LMTK2: variants seen among roughly 807,000 people sequenced by gnomAD.
LMTK2 encodes lemur tail kinase 2.
A neutral mutation model predicts 127.5 loss-of-function variants in LMTK2; 37 were observed. The observed-to-expected ratio is 0.29, with a 90% confidence interval of 0.22 to 0.38. The LOEUF is 0.38. Ranked by LOEUF, LMTK2 falls within the 10% of genes least tolerant of loss-of-function variation. The pLI is 1.00. For synonymous variants in LMTK2, 819 were observed against 810.1 expected, an observed-to-expected ratio of 1.01 and a Z score of -0.19; for missense variants, 1,694 against 1,920.3, an observed-to-expected ratio of 0.88 and a Z score of 2.20.
intron 11 of LMTK2, among the ~76,000 whole-genome samples, chr7:98,196,460 T>C (rs1797623433): frequency 6.6e-6 from 1 of 152,134 alleles, no homozygotes; most frequent in African/African-American, 2.4e-5. Flanking sequence ...TCTGTGAACT[T>C]GGATTATCGC....
chr7:98,171,375 A>G lies in LMTK2; in HGVS notation c.658-166A>G, dbSNP rs368833421. 2.0e-4 allele frequency among the ~76,000 whole-genome samples: 31 copies of G among 152,354 alleles called. 1 individual carries two copies. The South Asian group carries it at 6.4e-3, about 32-fold the overall frequency. On this transcript the variant is annotated intron_variant, in intron 6 of 13. Coordinates refer to ENST00000297293, the MANE Select transcript of LMTK2 (RefSeq NM_014916.4). The surrounding 1 kb of genome is among the most constrained non-coding windows in gnomAD (Gnocchi z 5.1). ...TAGTTAGAATGTTCCTAAAAGCATAATAGTGTTCTATACTTTCGCAGTATT... is the reference window on the plus strand; with the variant it reads ...TAGTTAGAATGTTCCTAAAAGCATAGTAGTGTTCTATACTTTCGCAGTATT...
At chr7:98,167,906 G>A (rs547009408) in intron 6 of LMTK2, among the ~76,000 whole-genome samples, 1 of 152,304 alleles carries the variant, frequency 6.6e-6, no homozygotes, top group South Asian at 2.1e-4. Context: ...GCAGGAGGTT[G>A]CGGTGCCCGA....
chr7:98,114,802 CCT>C (rs1343752216), intron 1 of LMTK2, among the ~76,000 whole-genome samples: 2 of 152,148 alleles, frequency 1.3e-5, no homozygotes, highest in East Asian at 1.9e-4. Flanking sequence ...ATATATTCTC[CCT>C]GTTTGCAATT....
chr7:98,109,042 A>G (rs972987819), intron 1 of LMTK2, among the ~76,000 whole-genome samples: 1 of 151,818 alleles, frequency 6.6e-6, no homozygotes. Context: ...TTGTATTTTT[A>G]GTAGAGACGG....
At chr7:98,122,759 A>C (rs533472590) in intron 1 of LMTK2, among the ~76,000 whole-genome samples, 112 of 147,120 alleles carry the variant, frequency 7.6e-4, no homozygotes, top group African/African-American at 2.5e-3. Flanking sequence ...TCTGTCCCCT[A>C]GGCTGGGGTG....
chr7:98,126,942 A>G (rs1423965887), intron 1 of LMTK2, among the ~76,000 whole-genome samples: 1 of 152,174 alleles, frequency 6.6e-6, no homozygotes, highest in Non-Finnish European at 1.5e-5. Context: ...TCTCTGATTC[A>G]TGAACGAGAT....
At chr7:98,143,893 T>C (rs916846287) in intron 3 of LMTK2, among the ~76,000 whole-genome samples, 1 of 152,206 alleles carries the variant, frequency 6.6e-6, no homozygotes, top group Admixed American at 6.5e-5. Flanking sequence ...TCTGTCAATA[T>C]GCAATTTGCT....
In LMTK2 at chr7:98,193,603, C is replaced by G; in HGVS notation, c.3138C>G (p.Pro1046=). The change falls in exon 11 of 14, where the codon CCC becomes CCG. Residue 1046 remains proline, a synonymous_variant. Coordinates refer to ENST00000297293, the MANE Select transcript of LMTK2 (RefSeq NM_014916.4). This position sits in a 1 kb window ranked among gnomAD's most constrained non-coding sequence, Gnocchi z 4.1. ...NLESPEWTLH[P]APEGTADSEP... ...AGTCTCCCGAGTGGACCTTGCATCCCGCTCCCGAGGGCACCGCAGACTCAG... is the reference window on the plus strand; with the variant it reads ...AGTCTCCCGAGTGGACCTTGCATCCGGCTCCCGAGGGCACCGCAGACTCAG... 6.2e-7 allele frequency: 1 copy of G among 1,614,058 alleles called. No individual in the cohort carries two copies. Among genetic ancestry groups the G allele is most frequent in the African/African-American group, 1.3e-5 (1 of 75,038 alleles).
chr7:98,108,021 T>A (rs1796141866), intron 1 of LMTK2, among the ~76,000 whole-genome samples: 1 of 152,148 alleles, frequency 6.6e-6, no homozygotes, highest in South Asian at 2.1e-4. Context: ...CATCCCAAGT[T>A]GGGTCATTTT....
intron 1 of LMTK2, among the ~76,000 whole-genome samples, chr7:98,114,586 A>G (rs1407750472): frequency 6.6e-6 from 1 of 152,112 alleles, no homozygotes; most frequent in Non-Finnish European, 1.5e-5. Flanking sequence ...ATCAGGTCAA[A>G]TTAGGTGTGC....
At chr7:98,180,147 T>G (rs987693530) in intron 7 of LMTK2, among the ~76,000 whole-genome samples, 1 of 152,274 alleles carries the variant, frequency 6.6e-6, no homozygotes, top group Non-Finnish European at 1.5e-5. Flanking sequence ...ATTGAATCAA[T>G]GTTATGTATC....
chr7:98,155,205 G>A (rs1796910904), intron 5 of LMTK2, among the ~76,000 whole-genome samples: 1 of 152,174 alleles, frequency 6.6e-6, no homozygotes, highest in African/African-American at 2.4e-5. Flanking sequence ...AGTCTCAGCA[G>A]AGAAATAGAA....
At chr7:98,168,951 A>T (rs1797145647) in intron 6 of LMTK2, among the ~76,000 whole-genome samples, 1 of 152,226 alleles carries the variant, frequency 6.6e-6, no homozygotes, top group African/African-American at 2.4e-5. Flanking sequence ...GACCAAAATA[A>T]TCATGTCTAT....
chr7:98,202,511 A>G (rs1230730715), intron 11 of LMTK2, among the ~76,000 whole-genome samples: 1 of 152,166 alleles, frequency 6.6e-6, no homozygotes, highest in Non-Finnish European at 1.5e-5. Context: ...CTATCATGTT[A>G]GGCAGTCTGT....
chr7:98,189,696 G>C (rs1797493318), intron 9 of LMTK2, among the ~76,000 whole-genome samples: 1 of 152,198 alleles, frequency 6.6e-6, no homozygotes, highest in Admixed American at 6.5e-5. Flanking sequence ...ATGAGAGGCA[G>C]CTCCTCTGAC....
At chr7:98,144,125 C>T (rs1445618063) in intron 3 of LMTK2, among the ~76,000 whole-genome samples, 1 of 151,910 alleles carries the variant, frequency 6.6e-6, no homozygotes, top group African/African-American at 2.4e-5. Flanking sequence ...AAAACCATAA[C>T]ATTACAAAAA....
intron 11 of LMTK2, among the ~76,000 whole-genome samples, chr7:98,198,481 G>A (rs1000169130): frequency 6.6e-6 from 1 of 152,136 alleles, no homozygotes; most frequent in South Asian, 2.1e-4. Context: ...GAGCTACCGC[G>A]CCTGGCCTCT....
At chr7:98,172,302 CTT>C (rs397948033) in intron 7 of LMTK2, among the ~76,000 whole-genome samples, 20 of 127,814 alleles carry the variant, frequency 1.6e-4, no homozygotes, top group South Asian at 5.1e-4. Context: ...GACCATAGTT[CTT>C]TTTTTTTTTT....
chr7:98,194,583 C>T lies in LMTK2; in HGVS notation c.4107+11C>T. 1.3e-6 allele frequency: 2 copies of T among 1,588,682 alleles called. No homozygotes were observed. The highest frequency in any genetic ancestry group is 1.1e-5 in the South Asian group (1 of 89,340). On this transcript the variant is annotated intron_variant, in intron 11 of 13. Transcript: ENST00000297293. The surrounding 1 kb of genome is among the most constrained non-coding windows in gnomAD (Gnocchi z 5.4). ...TACCTGTTTGACCAGGTATCTGTTCCCTCTAAATCATTTTCTATACACATC... is the reference window on the plus strand; with the variant it reads ...TACCTGTTTGACCAGGTATCTGTTCTCTCTAAATCATTTTCTATACACATC...
Sources: gnomAD v4.1 joint callset for allele counts (sites outside exome capture counted in the v4.1 genomes callset) on GRCh38, gnomAD v4.1.1 for gene constraint, Gnocchi (gnomAD v3.1) non-coding constraint, MANE v1.5 for transcripts, NCBI Gene and HGNC (gene_info 2026-07-23, HGNC 2026-07-21) for gene names.